Variants in WDCP observed in about 807,000 individuals in gnomAD.
The protein encoded by WDCP is WD repeat and coiled-coil-containing protein.
A neutral mutation model predicts 41.6 loss-of-function variants in WDCP; 19 were observed. That is an observed-to-expected ratio of 0.46 (90% CI 0.32 to 0.67). The LOEUF (loss-of-function observed/expected upper bound fraction) is 0.67. WDCP is among the 30% of genes least tolerant of loss of function. WDCP has a pLI of 0.04. For missense variants in WDCP, 802 were observed against 850.7 expected (o/e 0.94, Z 0.71); for synonymous variants, 302 against 320.8 (o/e 0.94, Z 0.63).
Position 24,038,500 on chromosome 2 carries a change from C to G in WDCP, c.995G>C (p.Arg332Thr). The G allele has an allele frequency of 6.2e-7, 1 of 1,614,220 alleles. No individual in the cohort carries two copies. Among genetic ancestry groups the G allele is most frequent in the East Asian group, 2.2e-5 (1 of 44,888 alleles). Residue 332 changes from arginine to threonine, a missense_variant, in exon 2 of 4, where the codon AGA (arginine) becomes ACA (threonine). Physicochemically the swap from Arg to Thr is moderately conservative, Grantham distance 71. Around this residue, in one of 5 missense-constraint regions of WDCP, gnomAD observed 247 missense variants for 240.5 expected, o/e 1.03. Coordinates refer to ENST00000295148, the MANE Select transcript of WDCP (RefSeq NM_025203.3). The part of the protein sequence containing the change: ...VTFKKAVTMT[R>T]KVTIPGILVP... ...CAGAATGCCTGGAATAGTGACTTTT[C>G]TCGTCATGGTAACTGCCTTCTTAAA... is the stretch of plus-strand genomic sequence containing the variant.
At chr2:24,045,033 C>A (rs950634724) in intron 1 of WDCP, among the ~76,000 whole-genome samples, 1 of 152,044 alleles carries the variant, frequency 6.6e-6, no homozygotes, top group African/African-American at 2.4e-5. Flanking sequence ...TTGGGGGAAC[C>A]AGCATATATT....
rs1663057146 is a variant in WDCP at position 24,029,840 on chromosome 2, C to G, written c.*1093G>C. ...ATTTGTTATGCGCCGTGACTGAAATCTGTGATTCCATCTGAAGGCAGTGAG... is the reference window on the plus strand; with the variant it reads ...ATTTGTTATGCGCCGTGACTGAAATGTGTGATTCCATCTGAAGGCAGTGAG... On this transcript the variant is annotated 3_prime_UTR_variant, in exon 4 of 4. Transcript: ENST00000295148. The G allele has an allele frequency of 6.6e-6, 1 of 152,420 alleles. No individual in the cohort carries two copies. Among genetic ancestry groups the G allele is most frequent in the Non-Finnish European group, 1.5e-5 (1 of 68,046 alleles). 9.4% of individuals were successfully genotyped at this position (152,420 alleles called of 1,614,324 possible).
Position 24,030,938 on chromosome 2 carries a change from C to A in WDCP, c.2161G>T (p.Ala721Ser), listed in dbSNP as rs754228362. ...CAGCAAGGACACTGCAGATATCAAGCCATGCCATCTACATGGTTACAACAG... is the reference window on the plus strand; with the variant it reads ...CAGCAAGGACACTGCAGATATCAAGACATGCCATCTACATGGTTACAACAG... ...TGCCNHVDGMA is the reference protein window; with the variant it reads ...TGCCNHVDGMS The change falls in exon 4 of 4, where the codon GCT becomes TCT. Residue 721 changes from alanine (A) to serine (S), a missense_variant. Physicochemically the swap from Ala to Ser is moderately conservative, Grantham distance 99. Around this residue, in one of 5 missense-constraint regions of WDCP, gnomAD observed 321 missense variants for 305.1 expected, o/e 1.05. Transcript: ENST00000295148. The A allele has an allele frequency of 6.2e-7, 1 of 1,611,400 alleles. No homozygotes were observed. Among genetic ancestry groups the A allele is most frequent in the Non-Finnish European group, 8.5e-7 (1 of 1,177,628 alleles).
intron 1 of WDCP, among the ~76,000 whole-genome samples, chr2:24,043,249 T>C (rs1663510208): frequency 6.6e-6 from 1 of 152,148 alleles, no homozygotes; most frequent in Non-Finnish European, 1.5e-5. Flanking sequence ...GACACGAGAA[T>C]TGCTTGAACC....
At position 24,039,501 on chromosome 2, in the gene WDCP, G is replaced by C. The variant is rs749336260; in HGVS notation, c.-7C>G. ...TTCCTTTTCCCAACTCCATCCTTTT[G>C]ATAAAGGTTACCTGAAATGATTAAG... is the stretch of plus-strand genomic sequence containing the variant. On this transcript the variant is annotated 5_prime_UTR_variant, in exon 2 of 4. The change creates a new upstream start codon in the 5' untranslated region. Transcript: ENST00000295148. The C allele has an allele frequency of 6.2e-7, 1 of 1,608,084 alleles. No individual in the cohort carries two copies. The highest frequency in any genetic ancestry group is 1.7e-5 in the Admixed American group (1 of 59,804).
chr2:24,042,237 A>G (rs1435998041), intron 1 of WDCP, among the ~76,000 whole-genome samples: 1 of 152,064 alleles, frequency 6.6e-6, no homozygotes, highest in Non-Finnish European at 1.5e-5. Context: ...CCCCATCTCT[A>G]CTAAAAATAC....
chr2:24,040,129 A>G (rs1023759471), intron 1 of WDCP, among the ~76,000 whole-genome samples: 1 of 152,100 alleles, frequency 6.6e-6, no homozygotes, highest in Non-Finnish European at 1.5e-5. Context: ...AAGTGTGAAC[A>G]TGGTATTGTG....
chr2:24,040,821 A>G (rs1663404854), intron 1 of WDCP, among the ~76,000 whole-genome samples: 3 of 152,138 alleles, frequency 2.0e-5, no homozygotes, highest in Admixed American at 2.0e-4. Flanking sequence ...GTTCGATCCC[A>G]GCCTGACCAA....
chr2:24,038,353 C>A lies in WDCP; in HGVS notation c.1142G>T (p.Arg381Leu), dbSNP rs373591251. Residue 381 changes from arginine (R) to leucine (L), a missense_variant, in exon 2 of 4, where the codon CGA becomes CTA. By Grantham distance (102) the Arg-to-Leu change is moderately radical. This residue lies in a region of WDCP where 247 missense variants were observed against 240.5 expected (regional missense o/e 1.03). Transcript: ENST00000295148. The part of the protein sequence containing the change: ...PSSVPNIQQI[R>L]LENTERPKGI... ...TTTTGGTCTTTCAGTGTTCTCTAAT[C>A]GAATTTGCTGGATGTTTGGGACTGA... 3.1e-6 allele frequency: 5 copies of A among 1,614,020 alleles called. No individual in the cohort carries two copies. The highest frequency in any genetic ancestry group is 1.3e-5 in the African/African-American group (1 of 74,920).
intron 1 of WDCP, among the ~76,000 whole-genome samples, chr2:24,039,816 A>C (rs1196176363): frequency 6.6e-6 from 1 of 150,726 alleles, no homozygotes; most frequent in African/African-American, 2.4e-5. Flanking sequence ...TTTTTTTTTG[A>C]GACGGAGTCT....
chr2:24,030,195 C>T lies in WDCP; in HGVS notation c.*738G>A, dbSNP rs1198083731. On this transcript the variant is annotated 3_prime_UTR_variant, in exon 4 of 4. Coordinates refer to ENST00000295148, the MANE Select transcript of WDCP (RefSeq NM_025203.3). ...TGAGTGGCCACAGCACAAAATCCTG[C>T]AGTAGGACTTACCTGGGCTCGACAG... 1.3e-5 allele frequency: 2 copies of T among 151,912 alleles called. No individual in the cohort carries two copies. The highest frequency in any genetic ancestry group is 2.9e-5 in the Non-Finnish European group (2 of 68,018). The allele number at this position is 151,912 out of a possible 1,614,324, so 9.4% of individuals were successfully genotyped here.
chr2:24,030,699 C>T lies in WDCP; in HGVS notation c.*234G>A, dbSNP rs1383790876. The T allele has an allele frequency of 2.2e-6, 1 of 462,922 alleles. No homozygotes were observed. Among genetic ancestry groups the T allele is most frequent in the Non-Finnish European group, 3.9e-6 (1 of 259,528 alleles). The allele number at this position is 462,922 out of a possible 1,614,324, so 28.7% of individuals were successfully genotyped here. A position where few individuals can be genotyped will look rare whatever the true frequency, so the allele number is the denominator to read the frequency against. On this transcript the variant is annotated 3_prime_UTR_variant, in exon 4 of 4. Transcript: ENST00000295148. ...TGAGAATTCTGCCCTTAGTCAAAAC[C>T]ACACAGTCATGAATACATAAACACC...
chr2:24,037,725 T>C lies in WDCP; in HGVS notation c.1770A>G (p.Ser590=), dbSNP rs766221326. The C allele has an allele frequency of 4.3e-6, 7 of 1,614,032 alleles. No individual in the cohort carries two copies. The highest frequency in any genetic ancestry group is 2.7e-5 in the African/African-American group (2 of 74,948). ...GAAGATCTTGAGAGAGTGGATACACTGAAGAGGATTTCTTCCCATTATGCA... is the reference window on the plus strand; with the variant it reads ...GAAGATCTTGAGAGAGTGGATACACCGAAGAGGATTTCTTCCCATTATGCA... ...NRLHNGKKSS[S]VYPLSQDLPY... Residue 590 remains serine (S), a synonymous_variant, in exon 2 of 4, where the codon TCA becomes TCG. Transcript: ENST00000295148.
intron 1 of WDCP, among the ~76,000 whole-genome samples, chr2:24,039,803 C>CT (rs879609209): frequency 4.2e-4 from 61 of 146,898 alleles, no homozygotes; most frequent in African/African-American, 4.7e-4. Context: ...TATTTTTCTT[C>CT]TTTTTTTTTT....
At chr2:24,046,865 C>T (rs1663642739) in intron 1 of WDCP, among the ~76,000 whole-genome samples, 1 of 152,166 alleles carries the variant, frequency 6.6e-6, no homozygotes, top group Admixed American at 6.6e-5. Flanking sequence ...CGGTTTTCAT[C>T]TAACATTATA....
At chr2:24,041,060 T>G (rs939191178) in intron 1 of WDCP, among the ~76,000 whole-genome samples, 1 of 151,952 alleles carries the variant, frequency 6.6e-6, no homozygotes, top group Non-Finnish European at 1.5e-5. Context: ...ATGCTTAGGC[T>G]GGGCACGGTG....
Position 24,037,972 on chromosome 2 carries a change from T to A in WDCP, c.1523A>T (p.Asp508Val), listed in dbSNP as rs1292989513. The stretch of plus-strand genomic sequence containing the variant: ...CTCAGCATCTAGAGCTATGGAGCCA[T>A]CACAGATACTAGACAGAGGACTCTG... The part of the protein sequence containing the change: ...EIQSPLSSIC[D>V]GSIALDAEPV... The change falls in exon 2 of 4, where the codon GAT becomes GTT. Residue 508 changes from aspartate (D) to valine (V), a missense_variant. Around this residue, in one of 5 missense-constraint regions of WDCP, gnomAD observed 321 missense variants for 305.1 expected, o/e 1.05. Transcript: ENST00000295148. 3 of 1,614,202 alleles carry A rather than the reference T, an allele frequency of 1.9e-6. No homozygotes were observed. The highest frequency in any genetic ancestry group is 3.3e-5 in the Admixed American group (2 of 60,022).
Position 24,030,927 on chromosome 2 carries a change from C to G in WDCP, c.*6G>C. 1 of 1,602,190 alleles carries G rather than the reference C, an allele frequency of 6.2e-7. No homozygotes were observed. The highest frequency in any genetic ancestry group is 8.6e-7 in the Non-Finnish European group (1 of 1,169,346). On this transcript the variant is annotated 3_prime_UTR_variant, in exon 4 of 4. Coordinates refer to ENST00000295148, the MANE Select transcript of WDCP (RefSeq NM_025203.3). ...GAAGAGCTACACAGCAAGGACACTGCAGATATCAAGCCATGCCATCTACAT... is the reference window on the plus strand; with the variant it reads ...GAAGAGCTACACAGCAAGGACACTGGAGATATCAAGCCATGCCATCTACAT...
chr2:24,044,391 T>G (rs1182759059), intron 1 of WDCP, among the ~76,000 whole-genome samples: 6 of 152,072 alleles, frequency 3.9e-5, no homozygotes, highest in Non-Finnish European at 2.9e-5. Flanking sequence ...TGCCTCAGCC[T>G]CCCAAGGAAC....
Sources: gnomAD v4.1 joint callset for allele counts (sites outside exome capture counted in the v4.1 genomes callset) on GRCh38, gnomAD v4.1.1 for gene constraint, gnomAD v4.1.1 regional missense constraint, MANE v1.5 for transcripts, NCBI Gene and HGNC (gene_info 2026-07-23, HGNC 2026-07-21) for gene names.